Variants in HPS5 observed in about 807,000 individuals in gnomAD.
HPS5 encodes HPS5 biogenesis of lysosomal organelles complex 2 subunit 2, also known as BLOC-2 complex member HPS5.
HPS5 carries 83 observed loss-of-function variants against 128.0 expected under a neutral mutation model. That is an observed-to-expected ratio of 0.65 (90% CI 0.54 to 0.78). The LOEUF is 0.78. Ranked by LOEUF, HPS5 falls within the 30% of genes least tolerant of loss-of-function variation. The pLI is 0.00. For synonymous variants in HPS5, 475 were observed against 470.2 expected (o/e 1.01, Z -0.13); for missense variants, 1,281 against 1,326.2 (o/e 0.97, Z 0.53).
In HPS5 at chr11:18,305,211, C is replaced by T. The variant is rs11024614; in HGVS notation, c.896+211G>A. On this transcript the variant is annotated intron_variant, in intron 8 of 22. Transcript: ENST00000349215. The stretch of plus-strand genomic sequence containing the variant: ...TTAGAAGTTTCTTGGCAATTATAAA[C>T]TCTCCAATTGGCTTGGAAAGAGAAG... Among the ~76,000 whole-genome samples the T allele has an allele frequency of 0.59, 89,299 of 152,044 alleles. 26,534 individuals are homozygous for T. The highest frequency in any genetic ancestry group is 0.85 in the East Asian group (4,407 of 5,188).
At chr11:18,282,309 G>A in intron 21 of HPS5, 89 bp from the exon 22 acceptor site, 1 of 1,418,364 alleles carries the variant, frequency 7.1e-7, no homozygotes, top group East Asian at 2.3e-5. Flanking sequence ...AATGTTTAAT[G>A]CCAAAACGTA....
At chr11:18,297,318 CT>C (rs1397831578) in intron 11 of HPS5, among the ~76,000 whole-genome samples, 9 of 152,088 alleles carry the variant, frequency 5.9e-5, no homozygotes, top group Non-Finnish European at 1.3e-4. Context: ...ATGCTGGGAG[CT>C]ATATGAGTAT....
intron 12 of HPS5, chr11:18,296,426 C>A: frequency 1.9e-6 from 1 of 539,528 alleles, no homozygotes; most frequent in Admixed American, 3.3e-5. Flanking sequence ...ACTCGCACAT[C>A]GAAAAAGGAA....
At chr11:18,280,400 T>C in intron 22 of HPS5, 1 of 574,264 alleles carries the variant, frequency 1.7e-6, no homozygotes, top group East Asian at 2.9e-5. Flanking sequence ...AGTGTGGGGC[T>C]AGCACATGGA....
At chr11:18,296,541 C>T (rs1861088159) in intron 12 of HPS5, 1 of 601,488 alleles carries the variant, frequency 1.7e-6, no homozygotes, top group East Asian at 2.7e-5. Flanking sequence ...ACCTTTCTTT[C>T]ATAACCTTTC....
At position 18,291,989 on chromosome 11, in the gene HPS5, A is replaced by G. The variant is rs779079898; in HGVS notation, c.1893T>C (p.Phe631=). The change falls in exon 16 of 23, where the codon TTT becomes TTC. Residue 631 remains phenylalanine, a synonymous_variant. Coordinates refer to ENST00000349215, the MANE Select transcript of HPS5 (RefSeq NM_181507.2). ...AAACCATTCTCAGAGACTCGGATTC[A>G]AATAAAACCAGAGGGTCCTGTAGCT... ...MTKLQDPLVL[F]ESESLRMVLQ... The G allele has an allele frequency of 1.9e-6, 3 of 1,613,852 alleles. No homozygotes were observed. The South Asian group carries it at 3.3e-5, about 18-fold the overall frequency.
chr11:18,290,748 C>T (rs1466162250), intron 16 of HPS5, among the ~76,000 whole-genome samples: 3 of 152,088 alleles, frequency 2.0e-5, no homozygotes, highest in South Asian at 2.1e-4. Flanking sequence ...CACAGTAAGA[C>T]CCCATCTCTA....
chr11:18,293,100 C>T (rs1860630488), intron 14 of HPS5, 124 bp from the exon 15 acceptor site: 4 of 753,838 alleles, frequency 5.3e-6, no homozygotes, highest in Admixed American at 3.7e-5. Context: ...CGGTTCATTG[C>T]AACCTCCGCC....
Position 18,309,013 on chromosome 11 carries a change from AC to A in HPS5, c.543del (p.Gln181HisfsTer2), listed in dbSNP as rs755827664. On this transcript the variant is annotated frameshift_variant, in exon 6 of 23. Transcript: ENST00000349215. LOFTEE classifies it high-confidence loss of function. ...AGTAGCCTTCCATCCAAATAATCTA[AC>A]TGTACAACACAGGAGTCAACAGTTG... ...TITTVDSCVVQLDYLDGRLLI... is the reference protein window; with the variant it reads ...TITTVDSCVVXLDYLDGRLLI... 32 of 1,613,838 alleles carry A rather than the reference AC, an allele frequency of 2.0e-5. No individual in the cohort carries two copies. Among genetic ancestry groups the A allele is most frequent in the Non-Finnish European group, 2.5e-5 (30 of 1,179,754 alleles).
intron 22 of HPS5, 143 bp from the exon 23 acceptor site, chr11:18,280,085 G>C (rs1311605600): frequency 5.7e-5 from 45 of 782,942 alleles, no homozygotes; most frequent in South Asian, 5.1e-4. Flanking sequence ...AGAGTGAAAA[G>C]GCAACCTACA....
Position 18,295,345 on chromosome 11 carries a change from C to A in HPS5, c.1635-176G>T, listed in dbSNP as rs58904544. On this transcript the variant is annotated intron_variant, in intron 13 of 22. Coordinates refer to ENST00000349215, the MANE Select transcript of HPS5 (RefSeq NM_181507.2). The stretch of plus-strand genomic sequence containing the variant: ...ATAGTATTTCACGTATATAAACTTA[C>A]AATATAATGATTCACATTATTTACT... Among the ~76,000 whole-genome samples the A allele has an allele frequency of 5.9e-3, 895 of 152,268 alleles. 12 individuals are homozygous for A. The highest frequency in any genetic ancestry group is 0.021 in the African/African-American group (862 of 41,534).
intron 16 of HPS5, among the ~76,000 whole-genome samples, chr11:18,289,500 T>C (rs1020283442): frequency 7.9e-5 from 12 of 152,106 alleles, no homozygotes; most frequent in African/African-American, 2.9e-4. Context: ...CAATGAGTAA[T>C]AATGTCACAC....
At chr11:18,294,841 A>C (rs575181765) in intron 14 of HPS5, among the ~76,000 whole-genome samples, 179 bp downstream of exon 14, 3 of 152,008 alleles carry the variant, frequency 2.0e-5, no homozygotes, top group Non-Finnish European at 4.4e-5. Context: ...TAAAAAAAAA[A>C]ATCACAAAAA....
In HPS5 at chr11:18,310,834, A is replaced by G. The variant is rs1420815986; in HGVS notation, c.384T>C (p.Ala128=). 2 of 1,611,964 alleles carry G rather than the reference A, an allele frequency of 1.2e-6. No individual in the cohort carries two copies. The highest frequency in any genetic ancestry group is 1.7e-6 in the Non-Finnish European group (2 of 1,179,336). Residue 128 remains alanine (A), a synonymous_variant, in exon 5 of 23, where the codon GCT becomes GCC. Coordinates refer to ENST00000349215, the MANE Select transcript of HPS5 (RefSeq NM_181507.2). ...SSEHKGRRVT[A]LCWDTAILRV... ...TAAGAATAGCTGTATCCCAGCAGAG[A>G]GCTGTGACTCTTCGGCCTTTGTGTT...
In HPS5 at chr11:18,291,685, G is replaced by A. The variant is rs775486387; in HGVS notation, c.2197C>T (p.Leu733Phe). The change falls in exon 16 of 23, where the codon CTT (leucine) becomes TTT (phenylalanine). Residue 733 changes from leucine (L) to phenylalanine (F), a missense_variant. Coordinates refer to ENST00000349215, the MANE Select transcript of HPS5 (RefSeq NM_181507.2). ...ICSPCAIASGLRNDLAELTTL... is the reference protein window; with the variant it reads ...ICSPCAIASGFRNDLAELTTL... ...GTCAATTCAGCCAGGTCGTTCCGAA[G>A]ACCACTTGCAATGGCGCATGGAGAA... 1 of 1,614,166 alleles carries A rather than the reference G, an allele frequency of 6.2e-7. No individual in the cohort carries two copies. The highest frequency in any genetic ancestry group is 1.1e-5 in the South Asian group (1 of 91,076).
chr11:18,311,009 T>C (rs1254975581), intron 4 of HPS5, 76 bp from the exon 5 acceptor site: 28 of 992,944 alleles, frequency 2.8e-5, no homozygotes, highest in Non-Finnish European at 4.1e-5. Flanking sequence ...CAGTATCAAC[T>C]ATATCAAATA....
At chr11:18,297,242 C>T (rs1186788034) in intron 11 of HPS5, among the ~76,000 whole-genome samples, 1 of 152,130 alleles carries the variant, frequency 6.6e-6, no homozygotes, top group African/African-American at 2.4e-5. Context: ...TGAGATAATC[C>T]AGACCTGCAT....
rs1235904673 is a variant in HPS5 at position 18,306,273 on chromosome 11, G to A, written c.686C>T (p.Ser229Phe). 1 of 1,613,922 alleles carries A rather than the reference G, an allele frequency of 6.2e-7. No homozygotes were observed. The highest frequency in any genetic ancestry group is 2.2e-5 in the East Asian group (1 of 44,886). The change falls in exon 7 of 23, where the codon TCT (serine) becomes TTT (phenylalanine). Residue 229 changes from serine to phenylalanine, a missense_variant. By Grantham distance (155) the Ser-to-Phe change is radical. Transcript: ENST00000349215. ...ATATATCAGAGGTTGCTGGCCCCCA[G>A]AACATCTTCCAGGAAAGAAACAAGC... is the stretch of plus-strand genomic sequence containing the variant. ...YGACFFPGRC[S>F]GGQQPLIYCA...
chr11:18,283,073 C>T (rs1488910802), intron 21 of HPS5, among the ~76,000 whole-genome samples: 1 of 152,156 alleles, frequency 6.6e-6, no homozygotes, highest in Non-Finnish European at 1.5e-5. Flanking sequence ...GCGATCTCAG[C>T]TCACTGCAAC....
Sources: allele counts gnomAD v4.1 joint callset (sites outside exome capture counted in the v4.1 genomes callset), GRCh38; gene constraint gnomAD v4.1.1; transcripts MANE v1.5; gene names NCBI Gene and HGNC (gene_info 2026-07-23, HGNC 2026-07-21).